The following CDC27 variants were observed in gnomAD, a reference collection of about 807,000 sequenced individuals.
CDC27 encodes cell division cycle protein 27 homolog.
Under a neutral mutation model 109.7 loss-of-function variants are expected in CDC27, and 27 were observed. The ratio of observed to expected loss-of-function variants is 0.25; its 90% CI spans 0.18 to 0.34. The LOEUF is 0.34. Ranked by LOEUF, CDC27 falls within the 10% of genes least tolerant of loss-of-function variation. The pLI, the probability that CDC27 is intolerant of heterozygous loss-of-function variation, is 1.00. For missense variants in CDC27, 579 were observed against 960.2 expected, an observed-to-expected ratio of 0.60 and a Z score of 5.25; for synonymous variants, 266 against 333.9, an observed-to-expected ratio of 0.80 and a Z score of 2.22.
chr17:47,145,462 G>GT, intron 9 of CDC27, among the ~76,000 whole-genome samples: 2 of 152,262 alleles, frequency 1.3e-5, no homozygotes, highest in Admixed American at 1.3e-4. Flanking sequence ...CACGTCCCAG[G>GT]CTCCTGAGAT....
At chr17:47,137,973 G>C (rs1297806472) in intron 13 of CDC27, among the ~76,000 whole-genome samples, 1 of 151,790 alleles carries the variant, frequency 6.6e-6, no homozygotes, top group Non-Finnish European at 1.5e-5. Context: ...GCTAATTTTT[G>C]TATTTTTTGT....
intron 2 of CDC27, among the ~76,000 whole-genome samples, chr17:47,175,414 T>G (rs1803167602): frequency 6.6e-6 from 1 of 152,214 alleles, no homozygotes; most frequent in Non-Finnish European, 1.5e-5. Context: ...AGAGAAGCCC[T>G]CAGAGGTTAG....
At chr17:47,145,677 C>T (rs532472716) in intron 9 of CDC27, among the ~76,000 whole-genome samples, 139 of 152,140 alleles carry the variant, frequency 9.1e-4, no homozygotes, top group African/African-American at 3.3e-3. Context: ...CCAAGGCAGG[C>T]GGATCACGAG....
At chr17:47,174,513 G>A (rs221602) in intron 2 of CDC27, among the ~76,000 whole-genome samples, 53,861 of 151,978 alleles carry the variant, frequency 0.35, 10,101 homozygotes, top group Admixed American at 0.43. Flanking sequence ...GAATTATAAG[G>A]TCCATAATAT....
Position 47,120,662 on chromosome 17 carries a change from G to T in CDC27, c.*273C>A. On this transcript the variant is annotated 3_prime_UTR_variant, in exon 19 of 19. Transcript: ENST00000066544. ...TCCTTTCATGATACTTTCCAACAAA[G>T]GGAGATTAAAGAAAAACAGAAAAGA... is the stretch of plus-strand genomic sequence containing the variant. 1 of 324,440 alleles carries T rather than the reference G, an allele frequency of 3.1e-6. No homozygotes were observed. Among genetic ancestry groups the T allele is most frequent in the Non-Finnish European group, 5.7e-6 (1 of 175,918 alleles). 20.1% of individuals were successfully genotyped at this position (324,440 alleles called of 1,614,324 possible).
At chr17:47,176,482 T>TA (rs2064010722) in intron 2 of CDC27, among the ~76,000 whole-genome samples, 2 of 152,202 alleles carry the variant, frequency 1.3e-5, no homozygotes, top group Non-Finnish European at 2.9e-5. Flanking sequence ...AAACCACGCT[T>TA]AGAGTAAAAA....
Position 47,171,901 on chromosome 17 carries a change from A to G in CDC27, c.251+16T>C. ...GTAAGTAAAACAAAATAGCTAGAAA[A>G]TATTTTAAAACTTACTTGCTGAGAT... On this transcript the variant is annotated intron_variant, in intron 3 of 18. Transcript: ENST00000066544. The G allele has an allele frequency of 6.4e-7, 1 of 1,566,284 alleles. No individual in the cohort carries two copies. The highest frequency in any genetic ancestry group is 2.3e-5 in the East Asian group (1 of 43,026).
At chr17:47,160,336 T>A (rs2063462193) in intron 4 of CDC27, among the ~76,000 whole-genome samples, 1 of 151,586 alleles carries the variant, frequency 6.6e-6, no homozygotes, top group African/African-American at 2.4e-5. Context: ...CAAGTGATTC[T>A]CATGCCTCAG....
At chr17:47,154,917 G>A (rs1455531924) in intron 7 of CDC27, 131 bp from the exon 8 acceptor site, 4 of 504,410 alleles carry the variant, frequency 7.9e-6, no homozygotes, top group East Asian at 3.1e-5. Flanking sequence ...GATCTGAGGG[G>A]CAGATTAAAA....
intron 16 of CDC27, 79 bp downstream of exon 16, chr17:47,129,314 C>T: frequency 9.2e-7 from 1 of 1,085,382 alleles, no homozygotes; most frequent in South Asian, 1.7e-5. Context: ...AAATAAATAA[C>T]TTTCAGTTTA....
intron 16 of CDC27, among the ~76,000 whole-genome samples, chr17:47,128,081 A>C (rs577217193): frequency 6.6e-6 from 1 of 151,980 alleles, no homozygotes; most frequent in Non-Finnish European, 1.5e-5. Flanking sequence ...CCCAGGCTGG[A>C]ATGCAGTGGC....
intron 18 of CDC27, among the ~76,000 whole-genome samples, chr17:47,121,462 C>T (rs1046748724): frequency 6.6e-6 from 1 of 152,154 alleles, no homozygotes; most frequent in South Asian, 2.1e-4. Flanking sequence ...AATCAATCAT[C>T]TATCTTGCTC....
chr17:47,142,270 G>A lies in CDC27; in HGVS notation c.1337C>T (p.Thr446Ile). ...TAGATTAAAGGCCTGAATCTGAGGT[G>A]TGATTGTGGATATTTTCCCTTCTGA... ...IISEGKISTI[T>I]PQIQAFNLQK... The change falls in exon 11 of 19, where the codon ACA (threonine) becomes ATA (isoleucine). Residue 446 changes from threonine (T) to isoleucine (I), a missense_variant. Physicochemically the swap from Thr to Ile is moderately conservative, Grantham distance 89. This residue lies in a region of CDC27 where 58 missense variants were observed against 116.6 expected (regional missense o/e 0.50). Coordinates refer to ENST00000066544, the MANE Select transcript of CDC27 (RefSeq NM_001256.6). 1 of 1,605,856 alleles carries A rather than the reference G, an allele frequency of 6.2e-7. No homozygotes were observed. The highest frequency in any genetic ancestry group is 8.5e-7 in the Non-Finnish European group (1 of 1,174,662).
chr17:47,169,873 T>A, intron 4 of CDC27, 44 bp downstream of exon 4: 1 of 1,511,132 alleles, frequency 6.6e-7, no homozygotes, highest in African/African-American at 1.4e-5. Context: ...AAAACATACT[T>A]GTATGGAAAT....
At chr17:47,143,388 T>C (rs1356460365) in intron 10 of CDC27, among the ~76,000 whole-genome samples, 1 of 152,224 alleles carries the variant, frequency 6.6e-6, no homozygotes, top group African/African-American at 2.4e-5. Flanking sequence ...TACAATATTA[T>C]CAGCTAAAGA....
At chr17:47,178,515 A>C (rs1384847231) in intron 2 of CDC27, among the ~76,000 whole-genome samples, 5 of 148,886 alleles carry the variant, frequency 3.4e-5, no homozygotes, top group Non-Finnish European at 5.9e-5. Flanking sequence ...AACCTGGGTG[A>C]CAGGCTATCT....
intron 9 of CDC27, among the ~76,000 whole-genome samples, chr17:47,146,648 G>A (rs1474194306): frequency 6.6e-6 from 1 of 152,146 alleles, no homozygotes; most frequent in Admixed American, 6.5e-5. Flanking sequence ...GGCTACTTTT[G>A]TCTGGACAAA....
intron 1 of CDC27, among the ~76,000 whole-genome samples, chr17:47,185,747 T>G (rs2064410698): frequency 6.6e-6 from 1 of 152,154 alleles, no homozygotes; most frequent in Non-Finnish European, 1.5e-5. Flanking sequence ...TAATAAAGGC[T>G]TCAGACAATG....
In CDC27 at chr17:47,185,462, C is replaced by A. The variant is rs140377977; in HGVS notation, c.27+3684G>T. Among the ~76,000 whole-genome samples, 184 of 152,290 alleles carry A rather than the reference C, an allele frequency of 1.2e-3. 7 individuals are homozygous for A. The East Asian group carries it at 0.032, about 27-fold the overall frequency. On this transcript the variant is annotated intron_variant, in intron 1 of 18. Transcript: ENST00000066544. ...CCCCCCAAAGTGCTGGGATTACAGG[C>A]GTGAGGCACCGCGCCCGGCCTGTAA...
Sources: gnomAD v4.1 joint callset for allele counts (sites outside exome capture counted in the v4.1 genomes callset) on GRCh38, gnomAD v4.1.1 for gene constraint, gnomAD v4.1.1 regional missense constraint, MANE v1.5 for transcripts, NCBI Gene and HGNC (gene_info 2026-07-23, HGNC 2026-07-21) for gene names.